Variants in NCKAP5 observed in about 807,000 individuals in gnomAD.
The protein encoded by NCKAP5 is nck-associated protein 5.
NCKAP5 carries 92 observed loss-of-function variants against 167.0 expected under a neutral mutation model. The observed-to-expected ratio is 0.55, with a 90% CI of 0.47 to 0.66. The LOEUF is 0.66. NCKAP5 is among the 30% of genes least tolerant of loss of function. NCKAP5 has a pLI of 0.00. For missense variants in NCKAP5, 2,378 were observed against 2,315.0 expected (o/e 1.03, Z -0.56); for synonymous variants, 891 against 877.4 (o/e 1.02, Z -0.27).
At chr2:132,933,847 A>AG (rs1205707836) in intron 8 of NCKAP5, among the ~76,000 whole-genome samples, 2 of 152,138 alleles carry the variant, frequency 1.3e-5, no homozygotes, top group African/African-American at 2.4e-5. Flanking sequence ...GTATTTTCAG[A>AG]GGGGGAAAAA....
intron 4 of NCKAP5, among the ~76,000 whole-genome samples, chr2:133,225,155 A>T (rs952415678): frequency 2.0e-5 from 3 of 152,210 alleles, no homozygotes; most frequent in African/African-American, 7.2e-5. Context: ...TTTATTAATA[A>T]TGTTCAAGTT....
In NCKAP5 at chr2:132,781,953, C is replaced by T. The variant is rs1683068313; in HGVS notation, c.4858G>A (p.Glu1620Lys). ...ACSTKDTFMT[E>K]LLNRVDKKAA... ...CCAGTGAGTTACCTGTTCAAGAGTT[C>T]CGTCATGAAGGTGTCTTTCGTTGAA... The change falls in exon 14 of 20, where the codon GAA (glutamate) becomes AAA (lysine). Residue 1620 changes from glutamate (E) to lysine (K), a missense_variant. Transcript: ENST00000409261. The T allele has an allele frequency of 4.3e-6, 7 of 1,611,614 alleles. No homozygotes were observed. Among genetic ancestry groups the T allele is most frequent in the South Asian group, 3.3e-5 (3 of 90,704 alleles).
At chr2:133,271,094 T>C (rs2089491221) in intron 4 of NCKAP5, among the ~76,000 whole-genome samples, 1 of 150,776 alleles carries the variant, frequency 6.6e-6, no homozygotes, top group African/African-American at 2.4e-5. Context: ...TAATTTTTTT[T>C]TTTTTTTTTT....
intron 4 of NCKAP5, among the ~76,000 whole-genome samples, chr2:133,235,904 C>CAAAAA (rs34829891): frequency 9.2e-5 from 12 of 130,332 alleles, no homozygotes; most frequent in African/African-American, 3.4e-4. Flanking sequence ...AACTCTATCT[C>CAAAAA]AAAAAAAAAA....
chr2:132,773,180 T>A (rs753461785), intron 16 of NCKAP5, among the ~76,000 whole-genome samples: 3 of 152,188 alleles, frequency 2.0e-5, no homozygotes, highest in Non-Finnish European at 4.4e-5. Flanking sequence ...AGGTGCCACT[T>A]CTTCTATCTC....
At chr2:133,154,070 G>A (rs1477221499) in intron 5 of NCKAP5, among the ~76,000 whole-genome samples, 1 of 151,966 alleles carries the variant, frequency 6.6e-6, no homozygotes, top group Non-Finnish European at 1.5e-5. Context: ...TCGAACTCCT[G>A]GCCTCAGGTT....
intron 3 of NCKAP5, among the ~76,000 whole-genome samples, chr2:133,503,943 C>T (rs1314330451): frequency 6.6e-6 from 1 of 152,048 alleles, no homozygotes; most frequent in Non-Finnish European, 1.5e-5. Context: ...CTGTCACTCT[C>T]CTCCTCCTCC....
intron 6 of NCKAP5, among the ~76,000 whole-genome samples, chr2:133,103,646 A>G (rs982117014): frequency 2.0e-5 from 3 of 152,090 alleles, no homozygotes; most frequent in Non-Finnish European, 2.9e-5. Context: ...TAAAAAATTG[A>G]CTGGGCGTGG....
chr2:133,365,771 C>T (rs548813080), intron 3 of NCKAP5, among the ~76,000 whole-genome samples: 1 of 152,262 alleles, frequency 6.6e-6, no homozygotes, highest in Non-Finnish European at 1.5e-5. Context: ...ATTTATTGAT[C>T]TGACTTCTAT....
At chr2:133,521,931 T>C (rs145616911) in intron 2 of NCKAP5, among the ~76,000 whole-genome samples, 115 of 152,314 alleles carry the variant, frequency 7.6e-4, no homozygotes, top group South Asian at 1.5e-3. Context: ...GGGCTTATGG[T>C]GGCTACCTCC....
chr2:133,299,059 T>C (rs1448832679), intron 4 of NCKAP5, among the ~76,000 whole-genome samples: 2 of 151,794 alleles, frequency 1.3e-5, no homozygotes, highest in African/African-American at 2.4e-5. Context: ...AATAAATAAA[T>C]AAATAAAAAT....
rs557449833 is a variant in NCKAP5 at position 133,336,975 on chromosome 2, T to G, written c.70-33865A>C. Among the ~76,000 whole-genome samples, 6 of 152,216 alleles carry G rather than the reference T, an allele frequency of 3.9e-5. No individual in the cohort carries two copies. The South Asian group carries it at 1.2e-3, about 32-fold the overall frequency. ...ATCCTAGGTGTCTCTTAGAGAGACATAAGTGACATTTTTATAATAAATACC... is the reference window on the plus strand; with the variant it reads ...ATCCTAGGTGTCTCTTAGAGAGACAGAAGTGACATTTTTATAATAAATACC... On this transcript the variant is annotated intron_variant, in intron 3 of 19. Coordinates refer to ENST00000409261, the MANE Select transcript of NCKAP5 (RefSeq NM_207363.3).
chr2:133,315,520 T>C (rs995244196), intron 3 of NCKAP5, among the ~76,000 whole-genome samples: 5 of 152,042 alleles, frequency 3.3e-5, no homozygotes, highest in African/African-American at 1.2e-4. Context: ...CTCAAGAATT[T>C]TGGATTCCAG....
chr2:133,536,953 A>G (rs916623894), intron 2 of NCKAP5, among the ~76,000 whole-genome samples: 1 of 151,912 alleles, frequency 6.6e-6, no homozygotes, highest in South Asian at 2.1e-4. Context: ...TAGGTCTATA[A>G]TTCATTTTAA....
intron 3 of NCKAP5, among the ~76,000 whole-genome samples, chr2:133,400,358 A>C (rs1170445543): frequency 6.6e-6 from 1 of 152,184 alleles, no homozygotes; most frequent in Non-Finnish European, 1.5e-5. Flanking sequence ...ATTTGGAAGA[A>C]AGGTCATTGA....
chr2:133,053,293 TGGA>T (rs2149490930), intron 6 of NCKAP5, among the ~76,000 whole-genome samples: 1 of 152,340 alleles, frequency 6.6e-6, no homozygotes, highest in African/African-American at 2.4e-5. Flanking sequence ...TGCTGTCTCC[TGGA>T]GGAGGGATTT....
At chr2:132,803,100 G>A (rs1177672951) in intron 11 of NCKAP5, among the ~76,000 whole-genome samples, 1 of 152,134 alleles carries the variant, frequency 6.6e-6, no homozygotes, top group East Asian at 1.9e-4. Context: ...AATTGATTAT[G>A]CCATTATTTC....
At chr2:133,613,446 T>A in the NCKAP5 span, among the ~76,000 whole-genome samples, 1 of 152,218 alleles carries the variant, frequency 6.6e-6, no homozygotes, top group Non-Finnish European at 1.5e-5. Context: ...TAACAGTAGC[T>A]AAGTAGTATT....
chr2:132,961,826 A>G (rs914962652), intron 8 of NCKAP5, among the ~76,000 whole-genome samples: 1 of 152,234 alleles, frequency 6.6e-6, no homozygotes, highest in African/African-American at 2.4e-5. Flanking sequence ...ATTTAAGTAC[A>G]CTGTTCTCTG....
Sources: allele counts gnomAD v4.1 joint callset (sites outside exome capture counted in the v4.1 genomes callset), GRCh38; gene constraint gnomAD v4.1.1; transcripts MANE v1.5; gene names NCBI Gene and HGNC (gene_info 2026-07-23, HGNC 2026-07-21).